Variants in RNF150 observed in about 807,000 individuals in gnomAD.
RNF150 encodes ring finger protein 150.
Under a neutral mutation model 39.3 loss-of-function variants are expected in RNF150, and 24 were observed. The observed-to-expected ratio is 0.61, with a 90% confidence interval of 0.44 to 0.86. The LOEUF (loss-of-function observed/expected upper bound fraction) is 0.86, where lower values mean the gene tolerates loss of function less well. RNF150 is among the 40% of genes least tolerant of loss of function. The pLI is 0.00. For synonymous variants in RNF150, 255 were observed against 227.3 expected (o/e 1.12, Z -1.10); for missense variants, 502 against 587.8 (o/e 0.85, Z 1.51).
At chr4:140,939,193 C>T (rs1022680459) in intron 4 of RNF150, among the ~76,000 whole-genome samples, 5 of 152,156 alleles carry the variant, frequency 3.3e-5, no homozygotes, top group African/African-American at 1.2e-4. Flanking sequence ...TTTCTCCTTT[C>T]ACTATTACTG....
intron 4 of RNF150, among the ~76,000 whole-genome samples, chr4:140,935,651 T>G (rs1731836722): frequency 6.6e-6 from 1 of 152,192 alleles, no homozygotes; most frequent in South Asian, 2.1e-4. Context: ...TCTGAAGTAA[T>G]CAAAGAAAAA....
intron 4 of RNF150, among the ~76,000 whole-genome samples, chr4:140,934,990 AAT>A (rs67090768): frequency 0.81 from 97,214 of 120,182 alleles, 40,193 homozygotes; most frequent in Non-Finnish European, 0.89. Flanking sequence ...AAAGTGTTAT[AAT>A]ATATATATAT....
rs529626267 is a variant in RNF150, at chr4:141,196,943, TA to T, written c.-6+15850del. Among the ~76,000 whole-genome samples, 35 of 152,248 alleles carry T rather than the reference TA, an allele frequency of 2.3e-4. No homozygotes were observed. In the South Asian group the frequency reaches 7.3e-3, roughly 32 times the overall value. ...TTAAACGGTGGTCCATCTATCTCAG[TA>T]AGTGCCAAGGTGAAGTTTTGCTCAT... On this transcript the variant is annotated intron_variant, in intron 1 of 7. Coordinates refer to the RNF150 transcript ENST00000420921.
At chr4:140,926,714 C>T (rs575665102) in intron 4 of RNF150, among the ~76,000 whole-genome samples, 13 of 152,308 alleles carry the variant, frequency 8.5e-5, no homozygotes, top group African/African-American at 1.2e-4. Context: ...CTTTTATCTT[C>T]GTGGCAGAAG....
At chr4:140,982,750 T>A (rs1733901864) in intron 1 of RNF150, among the ~76,000 whole-genome samples, 1 of 152,124 alleles carries the variant, frequency 6.6e-6, no homozygotes, top group Admixed American at 6.6e-5. Context: ...CCTTGAAATA[T>A]CAAAGACACA....
chr4:140,985,304 C>A (rs575495434), intron 1 of RNF150, among the ~76,000 whole-genome samples: 4 of 152,108 alleles, frequency 2.6e-5, no homozygotes, highest in African/African-American at 7.2e-5. Context: ...TACCTTTTCA[C>A]GCCCAATTAA....
chr4:141,183,181 G>A (rs1337872419), intron 1 of RNF150, among the ~76,000 whole-genome samples: 1 of 150,758 alleles, frequency 6.6e-6, no homozygotes, highest in East Asian at 1.9e-4. Context: ...AGAGAAGTCA[G>A]AGTTTGTGTA....
chr4:140,972,036 A>T (rs553063391), intron 1 of RNF150, among the ~76,000 whole-genome samples: 1 of 152,148 alleles, frequency 6.6e-6, no homozygotes, highest in African/African-American at 2.4e-5. Flanking sequence ...TGACAAAAAA[A>T]AAAATTTATA....
intron 1 of RNF150, among the ~76,000 whole-genome samples, chr4:141,043,487 C>G (rs1736446069): frequency 6.6e-6 from 1 of 152,024 alleles, no homozygotes; most frequent in African/African-American, 2.4e-5. Flanking sequence ...AAAGAGAAAG[C>G]CTAAATTACT....
At chr4:141,212,239 C>A (rs1728480134) in intron 1 of RNF150, among the ~76,000 whole-genome samples, 1 of 152,180 alleles carries the variant, frequency 6.6e-6, no homozygotes, top group Non-Finnish European at 1.5e-5. Context: ...ACAAAAGGAA[C>A]TTAGCACTTA....
intron 6 of RNF150, among the ~76,000 whole-genome samples, chr4:140,905,109 G>A (rs371438737): frequency 2.0e-5 from 3 of 152,162 alleles, no homozygotes; most frequent in Non-Finnish European, 4.4e-5. Flanking sequence ...AGTGGTAGGC[G>A]TCAGAGCTGG....
At chr4:140,911,655 G>A (rs1730610731) in intron 5 of RNF150, among the ~76,000 whole-genome samples, 1 of 151,912 alleles carries the variant, frequency 6.6e-6, no homozygotes, top group Admixed American at 6.6e-5. Flanking sequence ...AATCACTTAG[G>A]GGGAATATGT....
intron 1 of RNF150, among the ~76,000 whole-genome samples, chr4:141,051,535 C>A (rs1389157160): frequency 3.9e-5 from 6 of 152,194 alleles, no homozygotes; most frequent in Non-Finnish European, 8.8e-5. Context: ...TACCCTAAAT[C>A]ATCTCTGTCA....
At chr4:141,033,612 C>A (rs1445315975) in intron 1 of RNF150, among the ~76,000 whole-genome samples, 1 of 152,154 alleles carries the variant, frequency 6.6e-6, no homozygotes, top group Non-Finnish European at 1.5e-5. Flanking sequence ...GGCAGCGATA[C>A]CTTAAAAAAT....
intron 1 of RNF150, among the ~76,000 whole-genome samples, chr4:141,054,643 C>T (rs934307543): frequency 6.6e-5 from 10 of 152,138 alleles, no homozygotes; most frequent in African/African-American, 2.4e-4. Flanking sequence ...TCCCCCACCC[C>T]CAATTCCTCT....
intron 1 of RNF150, among the ~76,000 whole-genome samples, chr4:141,180,304 C>T (rs978369805): frequency 1.2e-4 from 19 of 152,138 alleles, no homozygotes; most frequent in African/African-American, 1.9e-4. Context: ...GAGCTTACAC[C>T]GCATTCCCTT....
At chr4:141,017,560 A>G (rs1735326721) in intron 1 of RNF150, among the ~76,000 whole-genome samples, 1 of 152,148 alleles carries the variant, frequency 6.6e-6, no homozygotes. Context: ...TGTACATTTT[A>G]CAGGCTTTGA....
At chr4:140,989,269 C>T (rs1734114498) in intron 1 of RNF150, among the ~76,000 whole-genome samples, 1 of 151,974 alleles carries the variant, frequency 6.6e-6, no homozygotes, top group African/African-American at 2.4e-5. Context: ...AAAAGCAGGG[C>T]TTTATTATTG....
At chr4:141,064,935 C>T (rs2172037) in intron 1 of RNF150, among the ~76,000 whole-genome samples, 1,950 of 152,186 alleles carry the variant, frequency 0.013, 54 homozygotes, top group African/African-American at 0.045. Context: ...GCACGATCTC[C>T]GCTCACTGCA....
Sources: gnomAD v4.1 joint callset for allele counts (sites outside exome capture counted in the v4.1 genomes callset) on GRCh38, gnomAD v4.1.1 for gene constraint, MANE v1.5 for transcripts, NCBI Gene and HGNC (gene_info 2026-07-23, HGNC 2026-07-21) for gene names.